Variants in NDUFA5 observed in about 807,000 individuals in gnomAD.
NDUFA5 encodes NADH:ubiquinone oxidoreductase subunit A5, also known as NADH dehydrogenase [ubiquinone] 1 alpha subcomplex subunit 5.
NDUFA5 carries 11 observed loss-of-function variants against 19.8 expected under a neutral mutation model. That is an observed-to-expected ratio of 0.56 (90% confidence interval 0.35 to 0.92). The LOEUF (loss-of-function observed/expected upper bound fraction) is 0.92, where lower values mean the gene tolerates loss of function less well. Ranked by LOEUF, NDUFA5 falls within the 40% of genes least tolerant of loss-of-function variation. The probability of loss-of-function intolerance (pLI) is 0.01; values close to 1 mark genes in which losing one functional copy is unlikely to be tolerated. For synonymous variants in NDUFA5, 47 were observed against 46.8 expected, an observed-to-expected ratio of 1.00 and a Z score of -0.01; for missense variants, 109 against 134.2, an observed-to-expected ratio of 0.81 and a Z score of 0.93.
Position 123,550,455 on chromosome 7 carries a change from G to T in NDUFA5, c.183+15C>A. On this transcript the variant is annotated intron_variant, in intron 3 of 4. Coordinates refer to ENST00000355749, the MANE Select transcript of NDUFA5 (RefSeq NM_005000.5). Reference sequence around the variant, plus strand: ...AAATGTTACACAAGACAACAAAACTGACTTAGCTACTTACCGCTTTAACCA... The same window carrying T: ...AAATGTTACACAAGACAACAAAACTTACTTAGCTACTTACCGCTTTAACCA... 4 of 887,040 alleles carry T rather than the reference G, an allele frequency of 4.5e-6. No individual in the cohort carries two copies. The South Asian group carries it at 6.1e-5, about 14-fold the overall frequency. 54.9% of individuals were successfully genotyped at this position (887,040 alleles called of 1,614,324 possible). A position where few individuals can be genotyped will look rare whatever the true frequency, so the allele number is the denominator to read the frequency against.
At chr7:123,568,240 C>T in the NDUFA5 span, among the ~76,000 whole-genome samples, 5 of 152,078 alleles carry the variant, frequency 3.3e-5, no homozygotes, top group South Asian at 2.1e-4. Context: ...TGGCTGGGCG[C>T]GGTGGCTCAC....
At chr7:123,559,471 T>C (rs183810234), upstream of NDUFA5, among the ~76,000 whole-genome samples, 4 of 152,330 alleles carry the variant, frequency 2.6e-5, no homozygotes, top group East Asian at 5.8e-4. Context: ...CAAGTATTAC[T>C]CTGATTCCAA....
rs1469203555 is a variant in NDUFA5 at position 123,540,888 on chromosome 7, GTGCACACA to G, written c.*1223_*1230del. ...ATTCTGAGCAAATGTGCGCATGCGC[GTGCACACA>G]CACACACACACACACACACACACAC... is the stretch of plus-strand genomic sequence containing the variant. On this transcript the variant is annotated 3_prime_UTR_variant, in exon 5 of 5. Coordinates refer to ENST00000355749, the MANE Select transcript of NDUFA5 (RefSeq NM_005000.5). 2.4e-5 allele frequency: 2 copies of G among 83,816 alleles called. No individual in the cohort carries two copies. Among genetic ancestry groups the G allele is most frequent in the African/African-American group, 8.9e-5 (2 of 22,508 alleles). The allele number at this position is 83,816 out of a possible 1,614,324, so 5.2% of individuals were successfully genotyped here.
At chr7:123,598,928 G>A in the NDUFA5 span, 2 of 152,218 alleles carry the variant, frequency 1.3e-5, no homozygotes, top group South Asian at 4.1e-4. Context: ...GTTTTCAGTT[G>A]TTTGATTTTC....
upstream of NDUFA5, chr7:123,557,902 C>A: frequency 6.3e-7 from 1 of 1,592,566 alleles, no homozygotes; most frequent in East Asian, 2.2e-5. Flanking sequence ...CAGCTTAGCT[C>A]CACCCCTTCA....
the NDUFA5 span, among the ~76,000 whole-genome samples, chr7:123,586,620 A>T: frequency 6.6e-6 from 1 of 151,744 alleles, no homozygotes; most frequent in Non-Finnish European, 1.5e-5. Flanking sequence ...TATCCAAAAA[A>T]TTATTGCCAA....
At chr7:123,542,555 C>G (rs1422808725) in intron 4 of NDUFA5, among the ~76,000 whole-genome samples, 1 of 152,148 alleles carries the variant, frequency 6.6e-6, no homozygotes, top group Non-Finnish European at 1.5e-5. Flanking sequence ...GGCTTTCAAA[C>G]TTTATTTTAC....
At chr7:123,544,582 G>A (rs1195863675) in intron 4 of NDUFA5, among the ~76,000 whole-genome samples, 1 of 149,930 alleles carries the variant, frequency 6.7e-6, no homozygotes, top group African/African-American at 2.5e-5. Context: ...GCTAGAAAAA[G>A]TATGTGCAGA....
chr7:123,598,641 C>T, the NDUFA5 span, among the ~76,000 whole-genome samples: 1 of 152,148 alleles, frequency 6.6e-6, no homozygotes, highest in Non-Finnish European at 1.5e-5. Flanking sequence ...AAATATTCAA[C>T]ACATATTTGA....
chr7:123,590,287 T>A, the NDUFA5 span, among the ~76,000 whole-genome samples: 1 of 152,204 alleles, frequency 6.6e-6, no homozygotes, highest in East Asian at 1.9e-4. Flanking sequence ...TTCACTCTGA[T>A]GATAGTTTAT....
chr7:123,545,650 G>A lies in NDUFA5; in HGVS notation c.210C>T (p.Asp70=). 1.2e-6 allele frequency: 2 copies of A among 1,609,430 alleles called. No homozygotes were observed. The highest frequency in any genetic ancestry group is 1.3e-5 in the African/African-American group (1 of 74,790). The change falls in exon 4 of 5, where the codon GAC becomes GAT. Residue 70 remains aspartate, a synonymous_variant. Transcript: ENST00000355749. ...KAEPDVKKLE[D]QLQGGQLEEV... ...CTTCTAATTGACCGCCTTGAAGTTG[G>A]TCTTCTAATTTTTTAACATCTGGTT...
At chr7:123,553,096 C>T (rs1798415211) in intron 2 of NDUFA5, among the ~76,000 whole-genome samples, 1 of 152,202 alleles carries the variant, frequency 6.6e-6, no homozygotes, top group Non-Finnish European at 1.5e-5. Context: ...CTTCCATGTA[C>T]AATACCACAC....
At chr7:123,593,515 C>A in the NDUFA5 span, among the ~76,000 whole-genome samples, 1 of 152,122 alleles carries the variant, frequency 6.6e-6, no homozygotes, top group Admixed American at 6.5e-5. Context: ...GATTTTATTT[C>A]TCCTTCACTT....
At chr7:123,570,474 A>C in the NDUFA5 span, among the ~76,000 whole-genome samples, 3 of 151,856 alleles carry the variant, frequency 2.0e-5, no homozygotes, top group East Asian at 5.9e-4. Flanking sequence ...TAGCCATGTG[A>C]TGCCTCCTTG....
At chr7:123,557,722 A>T in intron 1 of NDUFA5, 53 bp downstream of exon 1, 3 of 1,614,026 alleles carry the variant, frequency 1.9e-6, no homozygotes, top group Non-Finnish European at 2.5e-6. Flanking sequence ...GGGCTATCGG[A>T]CTGAGTCTAC....
rs937208291 is a variant in NDUFA5 at position 123,539,647 on chromosome 7, A to G, written c.*2472T>C. The G allele has an allele frequency of 6.6e-6, 1 of 152,246 alleles. No homozygotes were observed. Among genetic ancestry groups the G allele is most frequent in the Non-Finnish European group, 1.5e-5 (1 of 68,040 alleles). 9.4% of individuals were successfully genotyped at this position (152,246 alleles called of 1,614,324 possible). A position where few individuals can be genotyped will look rare whatever the true frequency, so the allele number is the denominator to read the frequency against. ...CTTAACCTGGATGTTTATAGGAAGC[A>G]ACTGGGAAAAGACTGAAGGAGTAAA... On this transcript the variant is annotated 3_prime_UTR_variant, in exon 5 of 5. Coordinates refer to ENST00000355749, the MANE Select transcript of NDUFA5 (RefSeq NM_005000.5).
At chr7:123,572,277 G>A in the NDUFA5 span, among the ~76,000 whole-genome samples, 1 of 151,206 alleles carries the variant, frequency 6.6e-6, no homozygotes. Context: ...ACGTAGCTGG[G>A]ACTGTAGGCA....
the NDUFA5 span, among the ~76,000 whole-genome samples, chr7:123,593,733 G>A: frequency 6.6e-6 from 1 of 152,010 alleles, no homozygotes; most frequent in Non-Finnish European, 1.5e-5. Flanking sequence ...TTTCAACCTT[G>A]GTGAATCTGA....
intron 3 of NDUFA5, among the ~76,000 whole-genome samples, chr7:123,549,462 C>G (rs1798252746): frequency 6.6e-6 from 1 of 152,022 alleles, no homozygotes; most frequent in Non-Finnish European, 1.5e-5. Flanking sequence ...ACATTTGAGG[C>G]TATTTGAAAG....
Sources: allele counts gnomAD v4.1 joint callset (sites outside exome capture counted in the v4.1 genomes callset), GRCh38; gene constraint gnomAD v4.1.1; transcripts MANE v1.5; gene names NCBI Gene and HGNC (gene_info 2026-07-23, HGNC 2026-07-21).